Variants in DRC8 observed in about 807,000 individuals in gnomAD.
DRC8 encodes dynein regulatory complex subunit 8.
chr1:245,051,223 C>G, the DRC8 span, among the ~76,000 whole-genome samples: 1 of 150,936 alleles, frequency 6.6e-6, no homozygotes, highest in Admixed American at 6.6e-5. Context: ...GACTCTGTCT[C>G]TATTAAGAAA....
the DRC8 span, among the ~76,000 whole-genome samples, chr1:245,040,146 T>G: frequency 4.1e-4 from 62 of 152,266 alleles, no homozygotes; most frequent in African/African-American, 1.4e-3. Context: ...AAAAAGGAAA[T>G]TCCAGGACAG....
the DRC8 span, chr1:245,083,790 C>T: frequency 6.8e-7 from 1 of 1,461,350 alleles, no homozygotes. Context: ...ATCAGTCATT[C>T]TGGTGAAAGT....
chr1:245,088,313 A>ACACACAC, the DRC8 span, among the ~76,000 whole-genome samples: 2 of 29,880 alleles, frequency 6.7e-5, no homozygotes, highest in Non-Finnish European at 2.2e-4. The surrounding 1 kb of genome is among the most constrained non-coding windows in gnomAD (Gnocchi z 4.6). Flanking sequence ...CTGTTATAAC[A>ACACACAC]AGACACACAC....
the DRC8 span, among the ~76,000 whole-genome samples, chr1:245,117,712 T>C: frequency 3.3e-5 from 5 of 152,136 alleles, no homozygotes; most frequent in Non-Finnish European, 5.9e-5. Context: ...CTCATGTCTA[T>C]AATCCCAGCA....
the DRC8 span, among the ~76,000 whole-genome samples, chr1:245,000,938 C>T: frequency 1.3e-5 from 2 of 151,872 alleles, no homozygotes; most frequent in Admixed American, 6.6e-5. Context: ...GGGCTTATGT[C>T]AGTGGAGGCT....
At chr1:245,060,683 A>T in the DRC8 span, among the ~76,000 whole-genome samples, 2 of 152,240 alleles carry the variant, frequency 1.3e-5, no homozygotes, top group Non-Finnish European at 2.9e-5. Flanking sequence ...AAGAGGTAAG[A>T]ACTAGAGGAC....
the DRC8 span, among the ~76,000 whole-genome samples, chr1:245,105,810 C>T: frequency 1.3e-5 from 2 of 152,158 alleles, no homozygotes; most frequent in Non-Finnish European, 2.9e-5. Flanking sequence ...GATGCTGTGG[C>T]TCACGCCCAT....
chr1:245,011,559 GCCTGGGAC>G, the DRC8 span, among the ~76,000 whole-genome samples: 1 of 152,328 alleles, frequency 6.6e-6, no homozygotes, highest in South Asian at 2.1e-4. Context: ...TATCTGAAAT[GCCTGGGAC>G]CTCCAAATGT....
chr1:245,016,960 G>A, the DRC8 span, among the ~76,000 whole-genome samples: 1 of 152,218 alleles, frequency 6.6e-6, no homozygotes, highest in African/African-American at 2.4e-5. Flanking sequence ...GAGTGGTTGA[G>A]TGGTTCCATG....
chr1:244,972,511 G>C, the DRC8 span, among the ~76,000 whole-genome samples: 4 of 152,168 alleles, frequency 2.6e-5, no homozygotes, highest in Admixed American at 6.5e-5. Context: ...GTTTGTAGGT[G>C]ATTTGTATGT....
the DRC8 span, among the ~76,000 whole-genome samples, chr1:244,980,978 T>C: frequency 6.6e-6 from 1 of 152,002 alleles, no homozygotes; most frequent in African/African-American, 2.4e-5. Context: ...AGGTAGGCAG[T>C]TCGAGACCAG....
chr1:245,101,712 C>T, the DRC8 span, among the ~76,000 whole-genome samples: 1 of 152,010 alleles, frequency 6.6e-6, no homozygotes, highest in Admixed American at 6.5e-5. Context: ...GATGTACATG[C>T]TTTCAGGGTA....
chr1:245,084,064 C>G, the DRC8 span, among the ~76,000 whole-genome samples: 1 of 114,080 alleles, frequency 8.8e-6, no homozygotes, highest in South Asian at 3.3e-4. Context: ...AAAATTCCGC[C>G]CCCCCCCCGG....
chr1:245,093,709 A>G, the DRC8 span, among the ~76,000 whole-genome samples: 4 of 145,878 alleles, frequency 2.7e-5, no homozygotes, highest in East Asian at 1.9e-4. Context: ...AAAAAAAAAA[A>G]AAAGAAAGAA....
the DRC8 span, among the ~76,000 whole-genome samples, chr1:245,063,553 A>G: frequency 2.1e-4 from 32 of 152,192 alleles, 1 homozygote; most frequent in Non-Finnish European, 3.1e-4. Context: ...CATTGGATGG[A>G]TGGCCTTGGC....
At chr1:245,055,763 T>G in the DRC8 span, among the ~76,000 whole-genome samples, 5 of 152,356 alleles carry the variant, frequency 3.3e-5, no homozygotes, top group African/African-American at 1.2e-4. Flanking sequence ...AACTCTCTCT[T>G]AGGTTTATTT....
At chr1:245,039,487 A>AG in the DRC8 span, among the ~76,000 whole-genome samples, 180 of 134,848 alleles carry the variant, frequency 1.3e-3, 4 homozygotes, top group Non-Finnish European at 1.7e-3. Flanking sequence ...AAAAAAAAAA[A>AG]AAGAGTTTGT....
chr1:244,992,786 G>A, the DRC8 span, among the ~76,000 whole-genome samples: 5 of 152,162 alleles, frequency 3.3e-5, no homozygotes, highest in Admixed American at 2.0e-4. Flanking sequence ...TGAATTTGAC[G>A]TAGTGCCTGT....
chr1:245,000,796 T>C, the DRC8 span, among the ~76,000 whole-genome samples: 3 of 146,390 alleles, frequency 2.0e-5, no homozygotes, highest in African/African-American at 7.5e-5. Flanking sequence ...AAAAAAAAAA[T>C]GTGTCTTCAG....
Sources: allele counts gnomAD v4.1 joint callset (sites outside exome capture counted in the v4.1 genomes callset), GRCh38; gene constraint gnomAD v4.1.1; non-coding constraint Gnocchi (gnomAD v3.1); transcripts MANE v1.5; gene names NCBI Gene and HGNC (gene_info 2026-07-23, HGNC 2026-07-21).